FAM110B: variants seen among roughly 807,000 people sequenced by gnomAD.
FAM110B encodes family with sequence similarity 110 member B.
FAM110B carries 6 observed loss-of-function variants against 20.4 expected under a neutral mutation model. The ratio of observed to expected loss-of-function variants is 0.29; its 90% confidence interval spans 0.16 to 0.58. FAM110B has a LOEUF of 0.58. FAM110B is among the 20% of genes least tolerant of loss of function. The pLI, the probability that FAM110B is intolerant of heterozygous loss-of-function variation, is 0.90. For synonymous variants in FAM110B, 226 were observed against 214.1 expected, an observed-to-expected ratio of 1.06 and a Z score of -0.49; for missense variants, 434 against 498.2, an observed-to-expected ratio of 0.87 and a Z score of 1.23.
chr8:58,011,380 A>G (rs1804530095), intron 1 of FAM110B, among the ~76,000 whole-genome samples: 1 of 152,120 alleles, frequency 6.6e-6, no homozygotes, highest in African/African-American at 2.4e-5. Context: ...ATCCTTTTCT[A>G]ATAAGCAACT....
chr8:58,094,608 C>A (rs778897488), intron 3 of FAM110B, among the ~76,000 whole-genome samples: 1 of 152,136 alleles, frequency 6.6e-6, no homozygotes, highest in Admixed American at 6.5e-5. Flanking sequence ...CCTACCTGAT[C>A]GTGATGGATA....
intron 1 of FAM110B, among the ~76,000 whole-genome samples, chr8:58,013,514 G>A (rs1249628545): frequency 1.3e-5 from 2 of 152,186 alleles, no homozygotes; most frequent in Admixed American, 1.3e-4. Context: ...GAATCCACGA[G>A]GGAGAGTGGT....
At chr8:58,049,659 T>C (rs1277267208) in intron 2 of FAM110B, among the ~76,000 whole-genome samples, 1 of 152,206 alleles carries the variant, frequency 6.6e-6, no homozygotes, top group East Asian at 1.9e-4. Context: ...CTGATTGAAA[T>C]TGCTCGTTTC....
intron 3 of FAM110B, among the ~76,000 whole-genome samples, chr8:58,111,295 A>G (rs1172699451): frequency 6.6e-6 from 1 of 152,206 alleles, no homozygotes; most frequent in East Asian, 1.9e-4. Context: ...GAAAGTATGC[A>G]CTTCACTGCT....
At chr8:58,001,643 G>T (rs560898334) in intron 1 of FAM110B, among the ~76,000 whole-genome samples, 1 of 152,268 alleles carries the variant, frequency 6.6e-6, no homozygotes, top group South Asian at 2.1e-4. Flanking sequence ...GCATGCTGCT[G>T]TTTAGGTACT....
intron 2 of FAM110B, among the ~76,000 whole-genome samples, chr8:58,037,899 A>G (rs1370551679): frequency 1.3e-5 from 2 of 151,838 alleles, no homozygotes; most frequent in African/African-American, 4.8e-5. Context: ...TCCTTCCCCC[A>G]CTACAGTTAA....
At chr8:58,013,636 G>A (rs1192662183) in intron 1 of FAM110B, among the ~76,000 whole-genome samples, 1 of 152,080 alleles carries the variant, frequency 6.6e-6, no homozygotes, top group Non-Finnish European at 1.5e-5. Context: ...AGTCCAGTGG[G>A]GCTGCACAGT....
intron 3 of FAM110B, among the ~76,000 whole-genome samples, chr8:58,124,676 A>G (rs1343873026): frequency 6.6e-6 from 1 of 152,212 alleles, no homozygotes; most frequent in Non-Finnish European, 1.5e-5. Flanking sequence ...ACTAGAACTG[A>G]CTTGCATATT....
At chr8:58,065,288 A>G (rs549387770) in intron 2 of FAM110B, among the ~76,000 whole-genome samples, 54 of 152,324 alleles carry the variant, frequency 3.5e-4, no homozygotes, top group African/African-American at 1.3e-3. Context: ...AATGGTAGAC[A>G]TTACGCTTTA....
intron 1 of FAM110B, among the ~76,000 whole-genome samples, chr8:58,000,498 T>A (rs542449911): frequency 6.6e-6 from 1 of 152,354 alleles, no homozygotes; most frequent in Admixed American, 6.5e-5. Flanking sequence ...GCACAGTTTT[T>A]GCTTGTTGAC....
rs1280033021 is a variant in FAM110B, at chr8:58,018,792, G to A, written c.-511-12814G>A. On this transcript the variant is annotated intron_variant, in intron 1 of 3. Transcript: ENST00000519262. ...CAAGGTTTGGTTTTACTTTTTACTG[G>A]TTGCTCTAGGGATTACAATAGATAG... 2.0e-5 allele frequency among the ~76,000 whole-genome samples: 3 copies of A among 150,300 alleles called. No homozygotes were observed. The East Asian group carries it at 5.9e-4, about 29-fold the overall frequency.
At chr8:58,008,361 G>T (rs1804457782) in intron 1 of FAM110B, among the ~76,000 whole-genome samples, 1 of 152,016 alleles carries the variant, frequency 6.6e-6, no homozygotes, top group Non-Finnish European at 1.5e-5. Context: ...TCAAACTCCT[G>T]ACCTCCAGTG....
chr8:58,108,238 G>A (rs2150616894), intron 3 of FAM110B, among the ~76,000 whole-genome samples: 1 of 152,344 alleles, frequency 6.6e-6, no homozygotes, highest in African/African-American at 2.4e-5. Context: ...GATGGTCAAG[G>A]AAAAAGTCAA....
Position 58,146,100 on chromosome 8 carries a change from C to T in FAM110B, c.-131C>T. 1.9e-6 allele frequency: 2 copies of T among 1,062,168 alleles called. No homozygotes were observed. The highest frequency in any genetic ancestry group is 2.7e-6 in the Non-Finnish European group (2 of 750,418). The allele number at this position is 1,062,168 out of a possible 1,614,324, so 65.8% of individuals were successfully genotyped here. ...GCTGTGAGATGAGGCGCTGCTGCGGCCGCTGCTGCTGACACTCGCTCCCAG... is the reference window on the plus strand; with the variant it reads ...GCTGTGAGATGAGGCGCTGCTGCGGTCGCTGCTGCTGACACTCGCTCCCAG... On this transcript the variant is annotated 5_prime_UTR_variant, in exon 4 of 4. Transcript: ENST00000519262.
Position 58,115,173 on chromosome 8 carries a change from A to C in FAM110B, c.-324-30734A>C, listed in dbSNP as rs531528763. 5.9e-5 allele frequency among the ~76,000 whole-genome samples: 9 copies of C among 151,894 alleles called. 1 individual carries two copies. Among genetic ancestry groups the C allele is most frequent in the Admixed American group, 5.9e-4 (9 of 15,270 alleles). On this transcript the variant is annotated intron_variant, in intron 3 of 3. Coordinates refer to ENST00000519262, the MANE Select transcript of FAM110B (RefSeq NM_001377989.1). ...CCCCACCCTGGCCAATTTCTTAAAG[A>C]CTACTTTCCTGGCTCAATTTTCCTT... is the stretch of plus-strand genomic sequence containing the variant.
At chr8:58,069,508 A>G (rs1015432572) in intron 2 of FAM110B, among the ~76,000 whole-genome samples, 15 of 152,322 alleles carry the variant, frequency 9.8e-5, no homozygotes, top group Non-Finnish European at 1.5e-4. Flanking sequence ...TTCTAGAAGT[A>G]GTTTGGCCGT....
intron 3 of FAM110B, among the ~76,000 whole-genome samples, chr8:58,138,882 T>A (rs747317280): frequency 1.3e-5 from 2 of 152,234 alleles, no homozygotes; most frequent in African/African-American, 4.8e-5. Context: ...CCTTGACCTG[T>A]ATCTGTAAAA....
intron 3 of FAM110B, among the ~76,000 whole-genome samples, chr8:58,102,690 C>T (rs959842198): frequency 6.6e-6 from 1 of 152,172 alleles, no homozygotes; most frequent in Admixed American, 6.5e-5. Context: ...CCTCAGCCTC[C>T]ATTCTCCCTT....
Position 58,105,556 on chromosome 8 carries a change from A to ATTTTTTTTTTTTTT in FAM110B, c.-325+29950_-325+29963dup, listed in dbSNP as rs71557704. Among the ~76,000 whole-genome samples the ATTTTTTTTTTTTTT allele has an allele frequency of 1.1e-4, 10 of 94,634 alleles. 1 individual carries two copies. Among genetic ancestry groups the ATTTTTTTTTTTTTT allele is most frequent in the African/African-American group, 4.0e-4 (8 of 19,950 alleles). 62.1% of individuals were successfully genotyped at this position (94,634 alleles called of 152,430 possible). ...TGAAAATGAATGAATGAATGAATGA[A>ATTTTTTTTTTTTTT]TTTTTTTTTTTTTTTTTTTTTTTTT... is the stretch of plus-strand genomic sequence containing the variant. On this transcript the variant is annotated intron_variant, in intron 3 of 3. Transcript: ENST00000519262.
Sources: gnomAD v4.1 joint callset for allele counts (sites outside exome capture counted in the v4.1 genomes callset) on GRCh38, gnomAD v4.1.1 for gene constraint, MANE v1.5 for transcripts, NCBI Gene and HGNC (gene_info 2026-07-23, HGNC 2026-07-21) for gene names.